BTK: variants seen among roughly 807,000 people sequenced by gnomAD.
The protein encoded by BTK is Bruton tyrosine kinase.
In BTK, 5 loss-of-function variants were observed where a neutral mutation model predicts 57.4. That is an observed-to-expected ratio of 0.09 (90% CI 0.05 to 0.18). The LOEUF (loss-of-function observed/expected upper bound fraction) is 0.18, where lower values mean the gene tolerates loss of function less well. Ranked by LOEUF, BTK falls within the 10% of genes least tolerant of loss-of-function variation. BTK has a pLI of 1.00. For missense variants in BTK, 194 were observed against 501.2 expected (o/e 0.39, Z 5.85); for synonymous variants, 154 against 174.3 (o/e 0.88, Z 0.92).
At chrX:101,380,275 T>G (rs1305089508) in intron 1 of BTK, among the ~76,000 whole-genome samples, 1 of 110,780 alleles carries the variant, frequency 9.0e-6, no homozygotes, top group African/African-American at 3.3e-5. Flanking sequence ...CCCAGCTAAT[T>G]TTTAATTTTT....
rs782365356 is a variant in BTK, at chrX:101,374,642, G to A, written c.142-8C>T. 1.5e-5 allele frequency: 17 copies of A among 1,162,289 alleles called. No homozygotes were observed. Among genetic ancestry groups the A allele is most frequent in the Non-Finnish European group, 2.0e-5 (17 of 852,093 alleles). ...CTTCTTACTGCCTCTTCTCTGAGAA[G>A]TAGAATGAGGAAGAAAATGGAGAAA... On this transcript the variant is annotated splice_region_variant and splice_polypyrimidine_tract_variant and intron_variant, in intron 2 of 18. Transcript: ENST00000308731.
upstream of BTK, among the ~76,000 whole-genome samples, chrX:101,387,233 AG>A (rs1555982574): frequency 9.0e-6 from 1 of 111,141 alleles, no homozygotes; most frequent in Admixed American, 9.6e-5. Context: ...GTATATGTGC[AG>A]AAGGTGCAAG....
intron 5 of BTK, among the ~76,000 whole-genome samples, chrX:101,368,784 C>T (rs187294795): frequency 2.9e-4 from 33 of 112,482 alleles, no homozygotes; most frequent in East Asian, 1.4e-3. Flanking sequence ...CCTTCATCTT[C>T]GTTCCTCCTG....
chrX:101,352,531 G>A (rs1245206368), intron 18 of BTK, among the ~76,000 whole-genome samples: 1 of 112,063 alleles, frequency 8.9e-6, no homozygotes, highest in Non-Finnish European at 1.9e-5. Context: ...TTGGGAGGCC[G>A]AGGTGGGCGG....
chrX:101,365,297 G>T (rs1926816209), intron 5 of BTK, among the ~76,000 whole-genome samples: 1 of 111,570 alleles, frequency 9.0e-6, no homozygotes, highest in African/African-American at 3.3e-5. Context: ...ATACCTAATC[G>T]ACAATTAGCC....
intron 7 of BTK, among the ~76,000 whole-genome samples, chrX:101,360,986 C>A (rs1242256395): frequency 2.7e-5 from 3 of 111,189 alleles, no homozygotes; most frequent in African/African-American, 9.8e-5. Context: ...GAGGCCAAGG[C>A]GGGCGGATCA....
chrX:101,353,160 G>A (rs2147423912), intron 18 of BTK, 34 bp downstream of exon 18: 1 of 1,192,379 alleles, frequency 8.4e-7, no homozygotes, highest in Non-Finnish European at 1.1e-6. Flanking sequence ...TAGATTCAAG[G>A]AAATAATTTA....
At chrX:101,352,981 G>A (rs376215255) in intron 18 of BTK, 33 of 392,441 alleles carry the variant, frequency 8.4e-5, no homozygotes, top group Non-Finnish European at 1.2e-4. Context: ...CATGAGAATC[G>A]CTTGAATCTG....
rs782503550 is a variant in BTK at position 101,353,218 on chromosome X, G to T, written c.1884C>A (p.Thr628=). ...RPHLASEKVY[T]IMYSCWHEKA... is the part of the protein sequence containing the mutation. The stretch of plus-strand genomic sequence containing the variant: ...CCTCATGCCAGCAACTGTACATGAT[G>T]GTATATACCTTCTCTGAAGCCAGAT... The change falls in exon 18 of 19, where the codon ACC becomes ACA. Residue 628 remains threonine, a synonymous_variant. Transcript: ENST00000308731. The T allele has an allele frequency of 5.0e-6, 6 of 1,208,675 alleles. No homozygotes were observed. In the African/African-American group the frequency reaches 1.1e-4, roughly 21 times the overall value.
rs1555977348 is a variant in BTK, at chrX:101,353,350, C to A, written c.1752G>T (p.Gly584=). The change falls in exon 18 of 19, where the codon GGG becomes GGT. Residue 584 remains glycine (G), a splice_region_variant and synonymous_variant. Transcript: ENST00000308731. ...GGGAGTAAATTTCCCACATCAAAACCCCTAGAAGGTGAAAAAAATTATTAA... is the reference window on the plus strand; with the variant it reads ...GGGAGTAAATTTCCCACATCAAAACACCTAGAAGGTGAAAAAAATTATTAA... ...FSSKSDIWAF[G]VLMWEIYSLG... is the part of the protein sequence containing the mutation. 8.3e-7 allele frequency: 1 copy of A among 1,210,301 alleles called. No individual in the cohort carries two copies. The highest frequency in any genetic ancestry group is 1.8e-5 in the South Asian group (1 of 56,952).
intron 7 of BTK, among the ~76,000 whole-genome samples, chrX:101,361,826 C>T (rs782647593): frequency 6.9e-4 from 77 of 111,665 alleles, no homozygotes; most frequent in Non-Finnish European, 6.4e-4. Flanking sequence ...ATCTGGGAGG[C>T]GGAGGTTGCA....
At chrX:101,384,239 T>G (rs1927543003) in intron 1 of BTK, among the ~76,000 whole-genome samples, 1 of 112,053 alleles carries the variant, frequency 8.9e-6, no homozygotes, top group Admixed American at 9.5e-5. Flanking sequence ...AGTGATAATT[T>G]AAAATTGCAC....
At chrX:101,387,778 G>C (rs1390700891), upstream of BTK, among the ~76,000 whole-genome samples, 1 of 110,883 alleles carries the variant, frequency 9.0e-6, no homozygotes, top group Admixed American at 9.6e-5. Flanking sequence ...TATTGACAAC[G>C]TCTATCCTTT....
intron 5 of BTK, among the ~76,000 whole-genome samples, chrX:101,369,427 C>T (rs782391239): frequency 4.0e-4 from 45 of 111,798 alleles, no homozygotes; most frequent in Admixed American, 8.6e-4. Context: ...GGCTTGAAAC[C>T]AGGTTCTCTG....
chrX:101,379,789 T>A (rs1472927141), intron 1 of BTK, among the ~76,000 whole-genome samples: 10 of 111,533 alleles, frequency 9.0e-5, no homozygotes, highest in African/African-American at 2.6e-4. Flanking sequence ...GATAAGAGAG[T>A]ATTCAAGATC....
At chrX:101,370,140 G>A (rs1449257337) in intron 4 of BTK, 61 bp from the exon 5 acceptor site, 2 of 902,519 alleles carry the variant, frequency 2.2e-6, no homozygotes, top group Non-Finnish European at 3.2e-6. Flanking sequence ...GAAAGACCTT[G>A]AAAGTACTAA....
chrX:101,377,141 C>T (rs1383489314), intron 1 of BTK, among the ~76,000 whole-genome samples: 2 of 111,392 alleles, frequency 1.8e-5, no homozygotes, highest in African/African-American at 6.5e-5. Context: ...ACCCTGACTC[C>T]CTGGTTTAAA....
chrX:101,349,752 T>G lies in BTK; in HGVS notation c.*133A>C. 1.9e-6 allele frequency: 1 copy of G among 538,206 alleles called. No homozygotes were observed. Among genetic ancestry groups the G allele is most frequent in the Non-Finnish European group, 3.2e-6 (1 of 310,213 alleles). The allele number at this position is 538,206 out of a possible 1,213,427, so 44.4% of individuals were successfully genotyped here. A position where few individuals can be genotyped will look rare whatever the true frequency, so the allele number is the denominator to read the frequency against. The stretch of plus-strand genomic sequence containing the variant: ...ATCAAAGAAGAGGTGCATTCCCAGA[T>G]GTAGAGAGGGGCCTTTTTGTATTGA... On this transcript the variant is annotated 3_prime_UTR_variant, in exon 19 of 19. Transcript: ENST00000308731.
intron 1 of BTK, among the ~76,000 whole-genome samples, chrX:101,384,467 C>G (rs1240482611): frequency 9.0e-6 from 1 of 111,566 alleles, no homozygotes. Flanking sequence ...CGTGGTGGCA[C>G]ATGCCTGTAA....
Sources: gnomAD v4.1 joint callset for allele counts (sites outside exome capture counted in the v4.1 genomes callset) on GRCh38, gnomAD v4.1.1 for gene constraint, MANE v1.5 for transcripts, NCBI Gene and HGNC (gene_info 2026-07-23, HGNC 2026-07-21) for gene names.